The following VEZT variants were observed in gnomAD, a reference collection of about 807,000 sequenced individuals.
VEZT encodes vezatin, adherens junctions transmembrane protein, also known as vezatin.
In VEZT, 39 loss-of-function variants were observed where a neutral mutation model predicts 79.9. That is an observed-to-expected ratio of 0.49 (90% CI 0.38 to 0.64). VEZT has a LOEUF of 0.64. Among genes scored for constraint, VEZT ranks in the 30% least tolerant of loss-of-function variants. The pLI is 0.00. For missense variants in VEZT, 837 were observed against 893.1 expected, an observed-to-expected ratio of 0.94 and a Z score of 0.80; for synonymous variants, 325 against 327.6, an observed-to-expected ratio of 0.99 and a Z score of 0.09.
chr12:95,243,529 T>TATAA (rs913304697), intron 1 of VEZT, among the ~76,000 whole-genome samples: 2 of 152,156 alleles, frequency 1.3e-5, no homozygotes, highest in African/African-American at 2.4e-5. Context: ...TTTGGCCTGT[T>TATAA]ATAAATAAAT....
At chr12:95,231,179 A>C (rs1565995359) in intron 1 of VEZT, among the ~76,000 whole-genome samples, 3 of 152,208 alleles carry the variant, frequency 2.0e-5, no homozygotes, top group Non-Finnish European at 4.4e-5. Context: ...CAAACTTCTT[A>C]ATATATGTGT....
intron 1 of VEZT, among the ~76,000 whole-genome samples, chr12:95,238,661 C>T (rs1416170341): frequency 2.0e-5 from 3 of 152,208 alleles, no homozygotes; most frequent in Non-Finnish European, 2.9e-5. Flanking sequence ...TCTAATACAT[C>T]ACCTTCCTCC....
chr12:95,263,225 A>T, intron 4 of VEZT, 144 bp downstream of exon 4: 1 of 824,074 alleles, frequency 1.2e-6, no homozygotes, highest in Non-Finnish European at 1.7e-6. Flanking sequence ...GGGGGGAAAA[A>T]GTGCCTTTCT....
At chr12:95,250,371 C>T (rs1371820061) in intron 1 of VEZT, among the ~76,000 whole-genome samples, 5 of 149,518 alleles carry the variant, frequency 3.3e-5, no homozygotes, top group South Asian at 2.1e-4. Context: ...GGCATAATCC[C>T]GGCTCACTGC....
Position 95,238,557 on chromosome 12 carries a change from TA to T in VEZT, c.37-13378del, listed in dbSNP as rs552208482. 1.1e-4 allele frequency among the ~76,000 whole-genome samples: 16 copies of T among 152,316 alleles called. No homozygotes were observed. In the East Asian group the frequency reaches 3.1e-3, roughly 29 times the overall value. ...TGAGTTTGCCACCATATTTATATGC[TA>T]AAAACTTGAATGTATACATTCAGTA... On this transcript the variant is annotated intron_variant, in intron 1 of 11. Transcript: ENST00000436874.
chr12:95,293,995 C>T (rs1594213440), intron 9 of VEZT: 1 of 338,560 alleles, frequency 3.0e-6, no homozygotes. Context: ...CTCAAGCGAT[C>T]CTTCCACCTC....
At chr12:95,260,450 C>G (rs1178699854) in intron 3 of VEZT, among the ~76,000 whole-genome samples, 1 of 152,184 alleles carries the variant, frequency 6.6e-6, no homozygotes, top group Non-Finnish European at 1.5e-5. Flanking sequence ...GCTATTAATA[C>G]TTCCTCTAAG....
chr12:95,294,079 A>G, intron 9 of VEZT, 193 bp from the exon 10 acceptor site: 1 of 483,252 alleles, frequency 2.1e-6, no homozygotes, highest in Non-Finnish European at 3.8e-6. Context: ...TTTTGTAGCG[A>G]CAGAGTCTTT....
chr12:95,276,513 G>T (rs1056909323), intron 7 of VEZT, among the ~76,000 whole-genome samples: 9 of 151,746 alleles, frequency 5.9e-5, no homozygotes, highest in Non-Finnish European at 1.3e-4. Context: ...CAAACTATTT[G>T]CCCACATCAG....
chr12:95,236,531 G>A (rs891300817), intron 1 of VEZT, among the ~76,000 whole-genome samples: 45 of 151,878 alleles, frequency 3.0e-4, no homozygotes, highest in African/African-American at 1.1e-3. Context: ...TTTGCAGCCA[G>A]TTTCTAACCT....
chr12:95,296,374 A>C (rs2074136352), intron 11 of VEZT, 116 bp downstream of exon 11: 1 of 906,898 alleles, frequency 1.1e-6, no homozygotes, highest in Admixed American at 3.2e-5. Context: ...GTCCACCAGT[A>C]TGCATAGTAC....
At chr12:95,256,635 T>C (rs1177674761) in intron 2 of VEZT, 1 of 1,281,818 alleles carries the variant, frequency 7.8e-7, no homozygotes, top group African/African-American at 1.5e-5. Flanking sequence ...AAATTGAATT[T>C]TTGGTTGATT....
intron 1 of VEZT, among the ~76,000 whole-genome samples, chr12:95,223,857 C>T (rs1282282308): frequency 7.2e-5 from 11 of 152,042 alleles, no homozygotes; most frequent in Admixed American, 7.2e-4. Flanking sequence ...TATTTCCATT[C>T]ATCTATTTGT....
At chr12:95,291,238 TATGTGTGTGCGC>T (rs1163345431) in intron 9 of VEZT, among the ~76,000 whole-genome samples, 1 of 152,168 alleles carries the variant, frequency 6.6e-6, no homozygotes, top group East Asian at 1.9e-4. Flanking sequence ...CTCAAAAATA[TATGTGTGTGCGC>T]ATGTGTATGT....
chr12:95,293,128 G>A (rs1015453865), intron 9 of VEZT, among the ~76,000 whole-genome samples: 1 of 152,166 alleles, frequency 6.6e-6, no homozygotes, highest in South Asian at 2.1e-4. Context: ...AGGATTACAG[G>A]CGTGAGCCAC....
chr12:95,256,645 T>C (rs1236701058), intron 2 of VEZT: 1 of 1,250,254 alleles, frequency 8.0e-7, no homozygotes, highest in Admixed American at 2.4e-5. Flanking sequence ...TTTGGTTGAT[T>C]CAGTAGTAAA....
intron 1 of VEZT, among the ~76,000 whole-genome samples, chr12:95,225,034 C>T (rs1324821022): frequency 1.7e-4 from 26 of 152,186 alleles, no homozygotes; most frequent in Admixed American, 1.7e-3. Context: ...ACCCACTGGC[C>T]CACCATCCTG....
chr12:95,263,697 A>ATG (rs1230774895), intron 4 of VEZT: 2 of 152,164 alleles, frequency 1.3e-5, no homozygotes, highest in Non-Finnish European at 2.9e-5. Flanking sequence ...ACCTATTCAC[A>ATG]TGTGTGCATG....
At position 95,289,081 on chromosome 12, in the gene VEZT, C is replaced by CAAA. The variant is rs71078697; in HGVS notation, c.1522+1233_1522+1235dup. On this transcript the variant is annotated intron_variant, in intron 9 of 11. Transcript: ENST00000436874. ...TGGGCAACAGAGCGAGACTCCGTCT[C>CAAA]AAAAAAAAAAATAAATAAATAAATA... Among the ~76,000 whole-genome samples the CAAA allele has an allele frequency of 3.5e-3, 426 of 123,000 alleles. 9 individuals are homozygous for CAAA. Among genetic ancestry groups the CAAA allele is most frequent in the Middle Eastern group, 9.3e-3 (2 of 216 alleles). 80.7% of individuals were successfully genotyped at this position (123,000 alleles called of 152,430 possible). A position where few individuals can be genotyped will look rare whatever the true frequency, so the allele number is the denominator to read the frequency against.
Sources: gnomAD v4.1 joint callset for allele counts (sites outside exome capture counted in the v4.1 genomes callset) on GRCh38, gnomAD v4.1.1 for gene constraint, MANE v1.5 for transcripts, NCBI Gene and HGNC (gene_info 2026-07-23, HGNC 2026-07-21) for gene names.